Variants in PCDH19 observed in about 807,000 individuals in gnomAD.
PCDH19 encodes the protein protocadherin-19.
Under a neutral mutation model 46.2 loss-of-function variants are expected in PCDH19, and 6 were observed. The observed-to-expected ratio is 0.13, with a 90% CI of 0.07 to 0.26. PCDH19 has a LOEUF of 0.26. Ranked by LOEUF, PCDH19 falls within the 10% of genes least tolerant of loss-of-function variation. The pLI, the probability that PCDH19 is intolerant of heterozygous loss-of-function variation, is 1.00. For synonymous variants in PCDH19, 481 were observed against 415.7 expected, an observed-to-expected ratio of 1.16 and a Z score of -1.91; for missense variants, 740 against 972.3, an observed-to-expected ratio of 0.76 and a Z score of 3.18.
chrX:100,342,483 A>G (rs1191524083), intron 4 of PCDH19, among the ~76,000 whole-genome samples: 1 of 112,225 alleles, frequency 8.9e-6, no homozygotes. Flanking sequence ...ACATTAATTA[A>G]CTGTTGAAAT....
At chrX:100,335,462 C>T (rs1019166949) in intron 5 of PCDH19, among the ~76,000 whole-genome samples, 1 of 111,604 alleles carries the variant, frequency 9.0e-6, no homozygotes, top group African/African-American at 3.3e-5. Flanking sequence ...CAATGTGATA[C>T]TGTCCAAATT....
intron 3 of PCDH19, among the ~76,000 whole-genome samples, chrX:100,397,128 G>A (rs1928048502): frequency 8.9e-6 from 1 of 111,970 alleles, no homozygotes; most frequent in Non-Finnish European, 1.9e-5. Context: ...ATAGGTTTGT[G>A]GCTGTCTAAT....
chrX:100,366,369 T>C (rs1927070655), intron 3 of PCDH19, among the ~76,000 whole-genome samples: 1 of 111,655 alleles, frequency 9.0e-6, no homozygotes, highest in African/African-American at 3.3e-5. Context: ...TATTGCTCCC[T>C]GGTGAAGGGA....
Position 100,407,559 on chromosome X carries a change from T to C in PCDH19, c.1039A>G (p.Asn347Asp). Reference sequence around the variant, plus strand: ...AGCTCACTGTTGACTGACAGCAGGTTGATGACCGGCGGATTGTCATTGGTG... The same window carrying C: ...AGCTCACTGTTGACTGACAGCAGGTCGATGACCGGCGGATTGTCATTGGTG... ...LDTNDNPPVINLLSVNSELVE... is the reference protein window; with the variant it reads ...LDTNDNPPVIDLLSVNSELVE... Residue 347 changes from asparagine to aspartate, a missense_variant, in exon 1 of 6, where the codon AAC (asparagine) becomes GAC (aspartate). Physicochemically the swap from Asn to Asp is conservative, Grantham distance 23 (BLOSUM62 1). Transcript: ENST00000373034. 4 of 1,211,333 alleles carry C rather than the reference T, an allele frequency of 3.3e-6. No individual in the cohort carries two copies. In the South Asian group the frequency reaches 7.0e-5, roughly 21 times the overall value.
intron 3 of PCDH19, among the ~76,000 whole-genome samples, chrX:100,382,080 TA>T (rs1156468997): frequency 2.3e-3 from 233 of 102,276 alleles, no homozygotes; most frequent in East Asian, 3.9e-3. Context: ...TCCAGTAATT[TA>T]AAAAAAAAAA....
chrX:100,307,508 C>T (rs772426542), intron 5 of PCDH19, among the ~76,000 whole-genome samples: 36 of 111,450 alleles, frequency 3.2e-4, no homozygotes, highest in African/African-American at 1.2e-3. Flanking sequence ...CCCACTTTCA[C>T]CACTTCTATT....
At chrX:100,371,830 T>C (rs1000525255) in intron 3 of PCDH19, among the ~76,000 whole-genome samples, 5 of 96,932 alleles carry the variant, frequency 5.2e-5, no homozygotes, top group African/African-American at 1.9e-4. Context: ...AGGTCCTTCA[T>C]GGACGAGACA....
rs780704524 is a variant in PCDH19, at chrX:100,406,574, A to C, written c.2024T>G (p.Val675Gly). Residue 675 changes from valine to glycine, a missense_variant, in exon 1 of 6, where the codon GTG becomes GGG. Around this residue, in one of 5 missense-constraint regions of PCDH19, gnomAD observed 416 missense variants for 476.8 expected, o/e 0.87. Coordinates refer to ENST00000373034, the MANE Select transcript of PCDH19 (RefSeq NM_001184880.2). Reference sequence around the variant, plus strand: ...AATAATGAAAATCAAGGACAAGTTCACAGAGCCCATTGACTCTTGGGCATC... The same window carrying C: ...AATAATGAAAATCAAGGACAAGTTCCCAGAGCCCATTGACTCTTGGGCATC... ...ALDAQESMGS[V>G]NLSLIFIIAL... 36 of 1,208,654 alleles carry C rather than the reference A, an allele frequency of 3.0e-5. No individual in the cohort carries two copies. In the Admixed American group the frequency reaches 7.7e-4, roughly 26 times the overall value.
Position 100,407,773 on chromosome X carries a change from G to A in PCDH19, c.825C>T (p.Tyr275=). Residue 275 remains tyrosine, a synonymous_variant, in exon 1 of 6, where the codon TAC becomes TAT. Transcript: ENST00000373034. ...GGTCGTTGACGTAGCCATAGAAGGA[G>A]TAGACCACCTGGCCGTTGGTGCCCT... The part of the protein sequence containing the change: ...PDEGTNGQVV[Y]SFYGYVNDRT... The A allele has an allele frequency of 8.2e-7, 1 of 1,212,423 alleles. No homozygotes were observed. Among genetic ancestry groups the A allele is most frequent in the Non-Finnish European group, 1.1e-6 (1 of 895,645 alleles).
At chrX:100,363,219 G>A (rs1260587319) in intron 3 of PCDH19, among the ~76,000 whole-genome samples, 2 of 108,688 alleles carry the variant, frequency 1.8e-5, no homozygotes, top group African/African-American at 3.4e-5. Flanking sequence ...CAGGAGAATC[G>A]CTTGAACCCG....
intron 3 of PCDH19, among the ~76,000 whole-genome samples, chrX:100,362,790 C>A (rs1602608069): frequency 9.9e-6 from 1 of 100,774 alleles, no homozygotes; most frequent in Non-Finnish European, 2.0e-5. Flanking sequence ...GAGCGAGACT[C>A]CGATTCAAAA....
At chrX:100,398,509 C>A (rs1370408771) in intron 3 of PCDH19, among the ~76,000 whole-genome samples, 4 of 111,947 alleles carry the variant, frequency 3.6e-5, no homozygotes, top group Non-Finnish European at 7.5e-5. Flanking sequence ...TGTAAGGCTG[C>A]CATTAAAGGA....
rs150097269 is a variant in PCDH19, at chrX:100,404,238, T to C, written c.2148-574A>G. On this transcript the variant is annotated intron_variant, in intron 1 of 5. Transcript: ENST00000373034. ...GCAAATTCTTGCTCTGTCCCCAGGA[T>C]CTACCTAGAGTTAAGCAATTGAGTT... Among the ~76,000 whole-genome samples, 398 of 111,743 alleles carry C rather than the reference T, an allele frequency of 3.6e-3. 2 individuals are homozygous for C. The highest frequency in any genetic ancestry group is 0.013 in the African/African-American group (385 of 30,750).
intron 2 of PCDH19, among the ~76,000 whole-genome samples, chrX:100,403,099 T>C (rs1197434868): frequency 9.0e-6 from 1 of 111,211 alleles, no homozygotes; most frequent in East Asian, 2.8e-4. Flanking sequence ...ACTTTGGATT[T>C]GGAATTTTTC....
At chrX:100,340,566 T>A (rs914383446) in intron 5 of PCDH19, among the ~76,000 whole-genome samples, 1 of 111,909 alleles carries the variant, frequency 8.9e-6, no homozygotes, top group Non-Finnish European at 1.9e-5. Flanking sequence ...TTTTTTCATC[T>A]TTAGTCATAG....
At chrX:100,382,969 G>A (rs1927599430) in intron 3 of PCDH19, among the ~76,000 whole-genome samples, 1 of 112,433 alleles carries the variant, frequency 8.9e-6, no homozygotes, top group Admixed American at 9.4e-5. Context: ...GCACACTGAG[G>A]TGGAATTTGT....
At chrX:100,365,377 T>G (rs1927039985) in intron 3 of PCDH19, among the ~76,000 whole-genome samples, 1 of 111,689 alleles carries the variant, frequency 9.0e-6, no homozygotes, top group Non-Finnish European at 1.9e-5. Context: ...GAAGCCCAAT[T>G]GGCTCACTTA....
At chrX:100,380,678 C>T (rs1361591525) in intron 3 of PCDH19, among the ~76,000 whole-genome samples, 2 of 112,082 alleles carry the variant, frequency 1.8e-5, no homozygotes, top group Non-Finnish European at 3.8e-5. Context: ...TCTTATTCCT[C>T]CCAAACACCC....
At chrX:100,360,429 A>C (rs1323331128) in intron 3 of PCDH19, among the ~76,000 whole-genome samples, 2 of 112,370 alleles carry the variant, frequency 1.8e-5, no homozygotes, top group Non-Finnish European at 3.8e-5. Flanking sequence ...GTTTGTGATC[A>C]ATGAAACCTG....
Sources: gnomAD v4.1 joint callset for allele counts (sites outside exome capture counted in the v4.1 genomes callset) on GRCh38, gnomAD v4.1.1 for gene constraint, gnomAD v4.1.1 regional missense constraint, MANE v1.5 for transcripts, NCBI Gene and HGNC (gene_info 2026-07-23, HGNC 2026-07-21) for gene names.